The following FAM107B variants were observed in gnomAD, a reference collection of about 807,000 sequenced individuals.
FAM107B encodes the protein protein FAM107B.
FAM107B carries 21 observed loss-of-function variants against 31.5 expected under a neutral mutation model. The ratio of observed to expected loss-of-function variants is 0.67; its 90% CI spans 0.47 to 0.96. The LOEUF (loss-of-function observed/expected upper bound fraction) is 0.96. Among genes scored for constraint, FAM107B ranks in the 40% least tolerant of loss-of-function variants. The pLI is 0.00. For missense variants in FAM107B, 452 were observed against 377.1 expected (o/e 1.20, Z -1.64); for synonymous variants, 157 against 141.5 (o/e 1.11, Z -0.78).
At chr10:14,596,756 C>A (rs1436155864) in intron 2 of FAM107B, among the ~76,000 whole-genome samples, 1 of 152,056 alleles carries the variant, frequency 6.6e-6, no homozygotes, top group Admixed American at 6.6e-5. Context: ...TCTTGCACAC[C>A]CGACGCCCTG....
At chr10:14,572,924 G>A (rs936775716) in intron 2 of FAM107B, among the ~76,000 whole-genome samples, 1 of 151,556 alleles carries the variant, frequency 6.6e-6, no homozygotes, top group African/African-American at 2.4e-5. Flanking sequence ...CTAAAACAAG[G>A]AGTTTCCTTC....
At chr10:14,684,189 C>G (rs528907385) in intron 1 of FAM107B, among the ~76,000 whole-genome samples, 1 of 152,164 alleles carries the variant, frequency 6.6e-6, no homozygotes, top group Non-Finnish European at 1.5e-5. Flanking sequence ...CAGTGGCTCA[C>G]GCCTAGTAAT....
chr10:14,718,784 T>C (rs1332412551), intron 1 of FAM107B, among the ~76,000 whole-genome samples: 1 of 152,228 alleles, frequency 6.6e-6, no homozygotes, highest in Non-Finnish European at 1.5e-5. Flanking sequence ...GGAGAAGTAG[T>C]ACAGCCTTTT....
intron 1 of FAM107B, among the ~76,000 whole-genome samples, chr10:14,717,047 G>T (rs568150439): frequency 6.6e-6 from 1 of 152,106 alleles, no homozygotes; most frequent in Non-Finnish European, 1.5e-5. Context: ...CCGAGATAGC[G>T]CCACTGCACT....
At chr10:14,672,493 G>A (rs80210026) in intron 1 of FAM107B, among the ~76,000 whole-genome samples, 5,195 of 152,244 alleles carry the variant, frequency 0.034, 287 homozygotes, top group African/African-American at 0.12. Flanking sequence ...ATTTACAGTC[G>A]TGTGTTGTCA....
intron 2 of FAM107B, among the ~76,000 whole-genome samples, chr10:14,607,039 A>T (rs979840344): frequency 1.3e-5 from 2 of 152,222 alleles, no homozygotes; most frequent in African/African-American, 4.8e-5. Flanking sequence ...TGACTTCTCC[A>T]TACAAAGTAG....
intron 1 of FAM107B, among the ~76,000 whole-genome samples, chr10:14,725,403 G>T (rs1252293046): frequency 6.6e-6 from 1 of 152,212 alleles, no homozygotes; most frequent in African/African-American, 2.4e-5. Flanking sequence ...CAATCAAAGT[G>T]CCTGTCTTAG....
intron 1 of FAM107B, among the ~76,000 whole-genome samples, chr10:14,704,441 G>A (rs1855475580): frequency 6.6e-6 from 1 of 152,172 alleles, no homozygotes; most frequent in Admixed American, 6.5e-5. Flanking sequence ...AAAATATTGT[G>A]TGGTTGTAGC....
intron 1 of FAM107B, among the ~76,000 whole-genome samples, chr10:14,743,652 T>A (rs1479072402): frequency 2.0e-5 from 3 of 152,236 alleles, no homozygotes; most frequent in African/African-American, 7.2e-5. Context: ...TTGTTGAAGA[T>A]CAGATGGTTG....
At chr10:14,642,876 A>G (rs1490614864) in intron 2 of FAM107B, among the ~76,000 whole-genome samples, 2 of 152,202 alleles carry the variant, frequency 1.3e-5, no homozygotes, top group South Asian at 2.1e-4. Flanking sequence ...GAAAAGAATC[A>G]TCTTTCCTCC....
At chr10:14,693,475 CAA>C (rs71287335) in intron 1 of FAM107B, among the ~76,000 whole-genome samples, 9 of 123,174 alleles carry the variant, frequency 7.3e-5, no homozygotes, top group East Asian at 2.4e-4. Context: ...GACACCGTCT[CAA>C]AAAAAAAAAA....
In FAM107B at chr10:14,575,597, G is replaced by A. The variant is rs942801010; in HGVS notation, c.470-45082C>T. Among the ~76,000 whole-genome samples, 4 of 152,320 alleles carry A rather than the reference G, an allele frequency of 2.6e-5. No homozygotes were observed. In the South Asian group the frequency reaches 8.3e-4, roughly 32 times the overall value. ...AAGGGAATACCACACACGTCACAAA[G>A]GAGCTCAGGCAGGCACAGGGGCCAG... On this transcript the variant is annotated intron_variant, in intron 2 of 4. Transcript: ENST00000181796.
At chr10:14,620,661 C>G (rs879921673) in intron 2 of FAM107B, among the ~76,000 whole-genome samples, 12 of 152,100 alleles carry the variant, frequency 7.9e-5, no homozygotes, top group Non-Finnish European at 1.6e-4. Flanking sequence ...AGGTATTTCT[C>G]CTAATGCTAT....
chr10:14,630,164 A>G (rs938491017), intron 2 of FAM107B, among the ~76,000 whole-genome samples: 1 of 151,956 alleles, frequency 6.6e-6, no homozygotes, highest in African/African-American at 2.4e-5. Context: ...AACATGCAAA[A>G]TGTATTTCTC....
intron 1 of FAM107B, among the ~76,000 whole-genome samples, chr10:14,741,596 T>C (rs1339140779): frequency 6.6e-6 from 1 of 152,250 alleles, no homozygotes; most frequent in Admixed American, 6.5e-5. Flanking sequence ...TTTAAATACC[T>C]TTCTTGAAAA....
intron 1 of FAM107B, among the ~76,000 whole-genome samples, chr10:14,771,068 T>C (rs1479829227): frequency 1.4e-5 from 2 of 142,432 alleles, no homozygotes; most frequent in Admixed American, 1.4e-4. Flanking sequence ...AAAAGGGAAA[T>C]ATTTTTCCGC....
intron 1 of FAM107B, among the ~76,000 whole-genome samples, chr10:14,771,312 A>G (rs922899266): frequency 6.6e-6 from 1 of 152,258 alleles, no homozygotes; most frequent in Non-Finnish European, 1.5e-5. Flanking sequence ...GGTAAAGCAT[A>G]TGAATAAAAA....
At chr10:14,566,312 C>T (rs1850662899) in intron 2 of FAM107B, among the ~76,000 whole-genome samples, 1 of 152,310 alleles carries the variant, frequency 6.6e-6, no homozygotes, top group African/African-American at 2.4e-5. Context: ...CTTCTAACAA[C>T]AGAAGATAGC....
At chr10:14,613,427 T>C (rs983723715) in intron 2 of FAM107B, among the ~76,000 whole-genome samples, 1 of 152,240 alleles carries the variant, frequency 6.6e-6, no homozygotes, top group African/African-American at 2.4e-5. Flanking sequence ...AGTTTATCCA[T>C]GTGACTAATG....
Sources: gnomAD v4.1 joint callset for allele counts (sites outside exome capture counted in the v4.1 genomes callset) on GRCh38, gnomAD v4.1.1 for gene constraint, MANE v1.5 for transcripts, NCBI Gene and HGNC (gene_info 2026-07-23, HGNC 2026-07-21) for gene names.